ARHGAP29: variants seen among roughly 807,000 people sequenced by gnomAD.
The protein encoded by ARHGAP29 is Rho GTPase activating protein 29.
A neutral mutation model predicts 122.6 loss-of-function variants in ARHGAP29; 43 were observed. That is an observed-to-expected ratio of 0.35 (90% CI 0.27 to 0.45). ARHGAP29 has a LOEUF of 0.45. Among genes scored for constraint, ARHGAP29 ranks in the 20% least tolerant of loss-of-function variants. ARHGAP29 has a pLI of 1.00. For synonymous variants in ARHGAP29, 506 were observed against 497.1 expected, an observed-to-expected ratio of 1.02 and a Z score of -0.24; for missense variants, 1,303 against 1,477.2, an observed-to-expected ratio of 0.88 and a Z score of 1.93.
At chr1:94,262,316 G>A (rs886653506) in intron 1 of ARHGAP29, among the ~76,000 whole-genome samples, 18 of 152,006 alleles carry the variant, frequency 1.2e-4, no homozygotes, top group East Asian at 5.8e-4. Flanking sequence ...GGAAGACAAC[G>A]TAGGCAATAC....
intron 1 of ARHGAP29, among the ~76,000 whole-genome samples, chr1:94,273,114 T>C (rs1304408940): frequency 6.6e-6 from 1 of 152,224 alleles, no homozygotes; most frequent in African/African-American, 2.4e-5. Context: ...AGATGAGTAC[T>C]TAAAGGATTG....
At chr1:94,192,921 G>C (rs192641706) in intron 12 of ARHGAP29, 1 of 151,984 alleles carries the variant, frequency 6.6e-6, no homozygotes, top group Non-Finnish European at 1.5e-5. Flanking sequence ...GTCATACAAA[G>C]AACCAGGAAA....
intron 10 of ARHGAP29, 88 bp downstream of exon 10, chr1:94,202,829 GA>G: frequency 6.5e-7 from 1 of 1,538,398 alleles, no homozygotes; most frequent in East Asian, 2.2e-5. Flanking sequence ...CAATATTTTA[GA>G]AAAATGAGAG....
At chr1:94,210,889 ACT>A (rs1167376340) in intron 3 of ARHGAP29, among the ~76,000 whole-genome samples, 1 of 128,652 alleles carries the variant, frequency 7.8e-6, no homozygotes, top group African/African-American at 2.9e-5. Context: ...ACAGAGCAAA[ACT>A]CTGTTTCTTA....
At chr1:94,214,187 A>G (rs1651819601) in intron 3 of ARHGAP29, among the ~76,000 whole-genome samples, 1 of 152,184 alleles carries the variant, frequency 6.6e-6, no homozygotes, top group African/African-American at 2.4e-5. Context: ...CATATTATTG[A>G]GAGGAATGAC....
the ARHGAP29 span, among the ~76,000 whole-genome samples, chr1:94,280,490 CAAGTACT>C: frequency 6.6e-6 from 1 of 151,996 alleles, no homozygotes; most frequent in Non-Finnish European, 1.5e-5. Context: ...CCAAAATGTA[CAAGTACT>C]AAGAGATGGA....
chr1:94,278,145 A>G (rs1460608290), upstream of ARHGAP29, among the ~76,000 whole-genome samples: 1 of 152,082 alleles, frequency 6.6e-6, no homozygotes, highest in Non-Finnish European at 1.5e-5. Flanking sequence ...GCAAAACCCT[A>G]TCTCTACAAA....
Position 94,259,027 on chromosome 1 carries a change from G to T in ARHGAP29, c.-33+15985C>A, listed in dbSNP as rs1654464657. On this transcript the variant is annotated intron_variant and NMD_transcript_variant, in intron 1 of 25. Coordinates refer to the ARHGAP29 transcript ENST00000552844. ...GAAAATCATAAAGTCTTGACTCTGA[G>T]TCTGCAAGAAGATATTTTCTTGCTT... 4.6e-5 allele frequency among the ~76,000 whole-genome samples: 7 copies of T among 152,296 alleles called. No individual in the cohort carries two copies. In the South Asian group the frequency reaches 1.4e-3, roughly 32 times the overall value.
rs1649711340 is a variant in ARHGAP29 at position 94,185,074 on chromosome 1, A to G, written c.1921-14T>C. The G allele has an allele frequency of 6.2e-7, 1 of 1,600,436 alleles. No individual in the cohort carries two copies. Among genetic ancestry groups the G allele is most frequent in the Admixed American group, 1.7e-5 (1 of 57,638 alleles). On this transcript the variant is annotated splice_polypyrimidine_tract_variant and intron_variant, in intron 17 of 22. Coordinates refer to ENST00000260526, the MANE Select transcript of ARHGAP29 (RefSeq NM_004815.4). ...AACAAGGAGACACTACAAGAAAATG[A>G]TAGTTTGAAACTGGTTAACCTTAAA...
chr1:94,269,474 G>A (rs1480559790), intron 1 of ARHGAP29, among the ~76,000 whole-genome samples: 1 of 152,186 alleles, frequency 6.6e-6, no homozygotes, highest in Non-Finnish European at 1.5e-5. Flanking sequence ...CCCTGAGACA[G>A]TCAGGTTTTC....
intron 19 of ARHGAP29, among the ~76,000 whole-genome samples, chr1:94,182,867 G>C (rs1649566578): frequency 6.6e-6 from 1 of 150,486 alleles, no homozygotes; most frequent in African/African-American, 2.5e-5. Context: ...AGACATGACA[G>C]GCATTTCCTC....
chr1:94,305,513 G>A, the ARHGAP29 span, among the ~76,000 whole-genome samples: 1 of 152,208 alleles, frequency 6.6e-6, no homozygotes, highest in South Asian at 2.1e-4. Context: ...GGGCAGATGA[G>A]CCATAGATAA....
At chr1:94,233,534 C>T (rs975454006) in intron 1 of ARHGAP29, among the ~76,000 whole-genome samples, 1 of 152,140 alleles carries the variant, frequency 6.6e-6, no homozygotes, top group Non-Finnish European at 1.5e-5. Context: ...CTCATAATGT[C>T]ATTTCTCTAC....
the ARHGAP29 span, among the ~76,000 whole-genome samples, chr1:94,309,307 G>A: frequency 1.3e-5 from 2 of 152,186 alleles, no homozygotes; most frequent in African/African-American, 2.4e-5. Context: ...ACAGCGAGAG[G>A]ATGGTGGAAC....
chr1:94,201,872 C>CAA lies in ARHGAP29; in HGVS notation c.1144-16_1144-15insTT. 3.6e-6 allele frequency: 5 copies of CAA among 1,378,628 alleles called. No individual in the cohort carries two copies. The South Asian group carries it at 4.1e-5, about 11-fold the overall frequency. 85.4% of individuals were successfully genotyped at this position (1,378,628 alleles called of 1,614,324 possible). On this transcript the variant is annotated splice_polypyrimidine_tract_variant and intron_variant, in intron 11 of 22. Coordinates refer to ENST00000260526, the MANE Select transcript of ARHGAP29 (RefSeq NM_004815.4). ...GCTTCTTCTACCTTCACAAATATCA[C>CAA]AGAAAAAAAAATAACACTAGAATTT... is the stretch of plus-strand genomic sequence containing the variant.
At chr1:94,254,351 A>G (rs553892904) in intron 1 of ARHGAP29, among the ~76,000 whole-genome samples, 13 of 152,214 alleles carry the variant, frequency 8.5e-5, no homozygotes, top group Non-Finnish European at 1.8e-4. Context: ...CTAGCCAAAA[A>G]ACTGATGAAA....
At chr1:94,243,433 T>C (rs1407950933) in intron 1 of ARHGAP29, among the ~76,000 whole-genome samples, 1 of 152,018 alleles carries the variant, frequency 6.6e-6, no homozygotes, top group Non-Finnish European at 1.5e-5. Flanking sequence ...AATTATAAAA[T>C]ATAACTTTAA....
At chr1:94,238,800 T>C (rs759468249), upstream of ARHGAP29, among the ~76,000 whole-genome samples, 38 of 152,130 alleles carry the variant, frequency 2.5e-4, no homozygotes, top group Non-Finnish European at 4.7e-4. Context: ...GAAAAGTAAG[T>C]GAGCATGACA....
intron 12 of ARHGAP29, chr1:94,193,412 A>C (rs1570512308): frequency 6.6e-6 from 1 of 152,064 alleles, no homozygotes; most frequent in African/African-American, 2.4e-5. Context: ...AAAACTTCTC[A>C]AATTTTTCAA....
Sources: allele counts gnomAD v4.1 joint callset (sites outside exome capture counted in the v4.1 genomes callset), GRCh38; gene constraint gnomAD v4.1.1; transcripts MANE v1.5; gene names NCBI Gene and HGNC (gene_info 2026-07-23, HGNC 2026-07-21).